Variants in FAM13A observed in about 807,000 individuals in gnomAD.
The protein encoded by FAM13A is protein FAM13A.
FAM13A carries 76 observed loss-of-function variants against 129.6 expected under a neutral mutation model. That is an observed-to-expected ratio of 0.59 (90% CI 0.49 to 0.71). The LOEUF (loss-of-function observed/expected upper bound fraction) is 0.71. Among genes scored for constraint, FAM13A ranks in the 30% least tolerant of loss-of-function variants. FAM13A has a pLI of 0.00. For synonymous variants in FAM13A, 443 were observed against 449.9 expected (o/e 0.98, Z 0.20); for missense variants, 1,108 against 1,249.3 (o/e 0.89, Z 1.70).
intron 1 of FAM13A, among the ~76,000 whole-genome samples, chr4:89,032,360 A>G (rs898620397): frequency 6.6e-6 from 1 of 152,170 alleles, no homozygotes; most frequent in Non-Finnish European, 1.5e-5. Context: ...GACTATCTGG[A>G]GCATATTCAT....
At chr4:88,803,422 A>T (rs1236520672) in intron 8 of FAM13A, among the ~76,000 whole-genome samples, 1 of 151,988 alleles carries the variant, frequency 6.6e-6, no homozygotes, top group Non-Finnish European at 1.5e-5. Context: ...CTTTTACTGT[A>T]TTTTCTTGTA....
chr4:88,960,818 C>CA, intron 4 of FAM13A, among the ~76,000 whole-genome samples: 1 of 152,156 alleles, frequency 6.6e-6, no homozygotes, highest in South Asian at 2.1e-4. Flanking sequence ...TAACAATTTA[C>CA]ATTTGCAAAG....
intron 8 of FAM13A, among the ~76,000 whole-genome samples, chr4:88,801,963 GCAA>G (rs1456501619): frequency 6.6e-6 from 1 of 152,018 alleles, no homozygotes; most frequent in Non-Finnish European, 1.5e-5. Flanking sequence ...AAGTAGAGCA[GCAA>G]CAGATCCTAG....
Position 88,830,946 on chromosome 4 carries a change from C to T in FAM13A, c.1007+20074G>A, listed in dbSNP as rs566295295. ...AAAAGACAAGCAGTTATTCATGGTA[C>T]ATGAAGTAGCAAAGTTGTATAGAAA... On this transcript the variant is annotated intron_variant, in intron 7 of 23. Transcript: ENST00000264344. Among the ~76,000 whole-genome samples the T allele has an allele frequency of 8.1e-4, 121 of 148,904 alleles. 1 individual carries two copies. The highest frequency in any genetic ancestry group is 6.5e-3 in the Admixed American group (97 of 14,970).
At chr4:88,836,289 C>T (rs958725571) in intron 7 of FAM13A, among the ~76,000 whole-genome samples, 1 of 152,140 alleles carries the variant, frequency 6.6e-6, no homozygotes. Context: ...TTTTGTAACA[C>T]TATTTTTCAT....
chr4:88,949,127 T>A (rs1756484610), intron 4 of FAM13A, among the ~76,000 whole-genome samples: 1 of 152,226 alleles, frequency 6.6e-6, no homozygotes. Context: ...TATCCTCACC[T>A]TTGTTTCAAT....
intron 7 of FAM13A, among the ~76,000 whole-genome samples, chr4:88,837,004 AC>A (rs1734930608): frequency 6.6e-6 from 1 of 151,834 alleles, no homozygotes; most frequent in South Asian, 2.1e-4. Flanking sequence ...TTTTTATTTT[AC>A]TTTTTTGAAA....
intron 1 of FAM13A, among the ~76,000 whole-genome samples, chr4:89,047,245 A>C (rs1461796193): frequency 1.3e-5 from 2 of 152,236 alleles, no homozygotes; most frequent in African/African-American, 2.4e-5. Flanking sequence ...TTAGAAGGAC[A>C]TACACAAATA....
intron 8 of FAM13A, among the ~76,000 whole-genome samples, chr4:88,793,774 G>A (rs1346771006): frequency 2.0e-5 from 3 of 151,932 alleles, no homozygotes; most frequent in Non-Finnish European, 2.9e-5. Context: ...GATTACAAAA[G>A]GTTATGACTG....
In FAM13A at chr4:88,938,254, A is replaced by G; in HGVS notation, c.606-13T>C. Reference sequence around the variant, plus strand: ...CCCAGGTGGCACACTAGAAACAAGAAAGGGAAAGAGAGGAATTACTTAGTA... The same window carrying G: ...CCCAGGTGGCACACTAGAAACAAGAGAGGGAAAGAGAGGAATTACTTAGTA... On this transcript the variant is annotated splice_polypyrimidine_tract_variant and intron_variant, in intron 4 of 23. Coordinates refer to ENST00000264344, the MANE Select transcript of FAM13A (RefSeq NM_014883.4). 6.9e-6 allele frequency: 11 copies of G among 1,593,324 alleles called. No individual in the cohort carries two copies. The highest frequency in any genetic ancestry group is 9.4e-6 in the Non-Finnish European group (11 of 1,172,394).
chr4:89,002,345 G>A (rs182152327), intron 3 of FAM13A, among the ~76,000 whole-genome samples: 34 of 152,308 alleles, frequency 2.2e-4, no homozygotes, highest in Middle Eastern at 6.8e-3. Flanking sequence ...AGACAGGAGT[G>A]CTGAGGCTTA....
rs554011209 is a variant in FAM13A, at chr4:89,020,677, A to G, written c.218-8T>C. 3 of 1,598,588 alleles carry G rather than the reference A, an allele frequency of 1.9e-6. No individual in the cohort carries two copies. Among genetic ancestry groups the G allele is most frequent in the Non-Finnish European group, 2.6e-6 (3 of 1,165,972 alleles). ...GACCTTCTTGGGTAAGTCCTGGAAG[A>G]GCAAAGTAGGCACAGAAAATAAATA... On this transcript the variant is annotated splice_region_variant and splice_polypyrimidine_tract_variant and intron_variant, in intron 2 of 23. Transcript: ENST00000264344.
chr4:88,876,921 A>G (rs1289033041), intron 6 of FAM13A, among the ~76,000 whole-genome samples: 1 of 152,220 alleles, frequency 6.6e-6, no homozygotes, highest in African/African-American at 2.4e-5. Context: ...AATCACTGCC[A>G]ATATTTTTAA....
intron 17 of FAM13A, among the ~76,000 whole-genome samples, 199 bp from the exon 18 acceptor site, chr4:88,748,050 C>T (rs547077239): frequency 3.2e-4 from 49 of 152,170 alleles, no homozygotes; most frequent in African/African-American, 9.4e-4. Context: ...CCACCACGCC[C>T]GGCTAATTTT....
chr4:88,891,437 G>C (rs1053168768), intron 6 of FAM13A, among the ~76,000 whole-genome samples: 1 of 151,782 alleles, frequency 6.6e-6, no homozygotes, highest in Non-Finnish European at 1.5e-5. Flanking sequence ...AGGAAAAAGA[G>C]TAAGAAAAAA....
chr4:88,838,519 C>T (rs1735217976), intron 7 of FAM13A, among the ~76,000 whole-genome samples: 1 of 151,922 alleles, frequency 6.6e-6, no homozygotes, highest in Admixed American at 6.5e-5. Context: ...GGGCGGATCA[C>T]GAGGTCAGGA....
chr4:88,774,138 C>T (rs1032566235), intron 11 of FAM13A, among the ~76,000 whole-genome samples: 8 of 152,140 alleles, frequency 5.3e-5, no homozygotes, highest in Admixed American at 2.0e-4. Context: ...ATCCTGATGG[C>T]TCATTCCCTC....
At chr4:88,835,211 T>C (rs559245209) in intron 7 of FAM13A, among the ~76,000 whole-genome samples, 1 of 152,146 alleles carries the variant, frequency 6.6e-6, no homozygotes, top group Non-Finnish European at 1.5e-5. Context: ...TGCTTTCCCA[T>C]CACTAGTTTT....
At chr4:88,899,123 T>TATAC (rs1554020704) in intron 6 of FAM13A, among the ~76,000 whole-genome samples, 3 of 149,646 alleles carry the variant, frequency 2.0e-5, no homozygotes, top group Non-Finnish European at 3.0e-5. Flanking sequence ...CATATATATA[T>TATAC]ATACATACAT....
Sources: gnomAD v4.1 joint callset for allele counts (sites outside exome capture counted in the v4.1 genomes callset) on GRCh38, gnomAD v4.1.1 for gene constraint, MANE v1.5 for transcripts, NCBI Gene and HGNC (gene_info 2026-07-23, HGNC 2026-07-21) for gene names.